DIAPH2: variants seen among roughly 807,000 people sequenced by gnomAD.
DIAPH2 encodes diaphanous related formin 2, also known as protein diaphanous homolog 2.
DIAPH2 carries 35 observed loss-of-function variants against 92.7 expected under a neutral mutation model. The observed-to-expected ratio is 0.38, with a 90% CI of 0.29 to 0.50. The LOEUF (loss-of-function observed/expected upper bound fraction) is 0.50, where lower values mean the gene tolerates loss of function less well. Among genes scored for constraint, DIAPH2 ranks in the 20% least tolerant of loss-of-function variants. DIAPH2 has a pLI of 0.94. For missense variants in DIAPH2, 701 were observed against 819.5 expected, an observed-to-expected ratio of 0.86 and a Z score of 1.77; for synonymous variants, 301 against 280.4, an observed-to-expected ratio of 1.07 and a Z score of -0.73.
chrX:96,794,178 A>G (rs991971922), intron 4 of DIAPH2, among the ~76,000 whole-genome samples: 1 of 111,231 alleles, frequency 9.0e-6, no homozygotes, highest in Non-Finnish European at 1.9e-5. Context: ...GGGTCTCATT[A>G]TGTGGCACTA....
chrX:97,543,848 G>A (rs1350000621), intron 26 of DIAPH2, among the ~76,000 whole-genome samples: 2 of 110,509 alleles, frequency 1.8e-5, no homozygotes, highest in East Asian at 2.8e-4. Flanking sequence ...TAGTGCTCCC[G>A]GTACAGCCTC....
chrX:96,782,164 G>T (rs2147626529), intron 4 of DIAPH2, among the ~76,000 whole-genome samples: 1 of 112,404 alleles, frequency 8.9e-6, no homozygotes, highest in South Asian at 3.7e-4. Flanking sequence ...CAATGGCACA[G>T]TCTTGGTCAC....
intron 4 of DIAPH2, among the ~76,000 whole-genome samples, chrX:96,762,915 G>A (rs1200941819): frequency 1.8e-5 from 2 of 110,796 alleles, no homozygotes; most frequent in African/African-American, 6.5e-5. Context: ...TTGAAACATA[G>A]TAGAAATTAA....
intron 24 of DIAPH2, among the ~76,000 whole-genome samples, chrX:97,380,121 T>C (rs750957426): frequency 1.2e-4 from 13 of 111,128 alleles, no homozygotes; most frequent in African/African-American, 3.6e-4. Flanking sequence ...ATTAGGTTGG[T>C]GAATATTTCG....
intron 21 of DIAPH2, among the ~76,000 whole-genome samples, chrX:97,120,488 A>G (rs1322055720): frequency 3.7e-5 from 4 of 109,247 alleles, no homozygotes; most frequent in African/African-American, 6.7e-5. Flanking sequence ...AAAATTCACA[A>G]CGCAAGCCTC....
chrX:96,685,629 C>T, intron 1 of DIAPH2, among the ~76,000 whole-genome samples: 1 of 112,416 alleles, frequency 8.9e-6, no homozygotes. Context: ...TGGGAGCCCA[C>T]CTACAGCTTC....
chrX:97,129,151 T>TTTTC (rs1303965655), intron 21 of DIAPH2, among the ~76,000 whole-genome samples: 112 of 85,222 alleles, frequency 1.3e-3, no homozygotes, highest in Non-Finnish European at 2.2e-3. Context: ...CTTTTCTTTC[T>TTTTC]TTTCTTTTCT....
chrX:96,757,532 C>T (rs930251064), intron 3 of DIAPH2, among the ~76,000 whole-genome samples: 3 of 112,258 alleles, frequency 2.7e-5, no homozygotes, highest in Non-Finnish European at 5.6e-5. Flanking sequence ...GTATATATCA[C>T]AAAATAAAGG....
intron 21 of DIAPH2, among the ~76,000 whole-genome samples, chrX:97,121,367 T>C (rs2067056594): frequency 8.9e-6 from 1 of 111,881 alleles, no homozygotes; most frequent in South Asian, 3.7e-4. Flanking sequence ...TTTCACCGTG[T>C]CTTTACTTGA....
At chrX:97,508,602 C>A (rs192837358) in intron 26 of DIAPH2, among the ~76,000 whole-genome samples, 1 of 111,862 alleles carries the variant, frequency 8.9e-6, no homozygotes, top group Non-Finnish European at 1.9e-5. Flanking sequence ...TTCTCCCCAC[C>A]ACCAGCCCAC....
At chrX:96,765,194 T>G in intron 4 of DIAPH2, among the ~76,000 whole-genome samples, 1 of 18,287 alleles carries the variant, frequency 5.5e-5, no homozygotes, top group African/African-American at 1.2e-4. Context: ...TATTCACATG[T>G]TTTTTTTTTT....
intron 9 of DIAPH2, among the ~76,000 whole-genome samples, chrX:96,922,841 G>C (rs2147787785): frequency 8.9e-6 from 1 of 111,868 alleles, no homozygotes; most frequent in Admixed American, 9.5e-5. Flanking sequence ...TCTTGCATAA[G>C]TCTGGGAAGG....
chrX:97,486,543 T>C (rs1311840203), intron 26 of DIAPH2, among the ~76,000 whole-genome samples: 5 of 111,789 alleles, frequency 4.5e-5, no homozygotes, highest in African/African-American at 6.5e-5. Context: ...CATTTCCTGG[T>C]GTGCTACCTG....
At chrX:97,408,104 T>A (rs1468222520) in intron 25 of DIAPH2, among the ~76,000 whole-genome samples, 2 of 111,990 alleles carry the variant, frequency 1.8e-5, no homozygotes, top group African/African-American at 6.5e-5. Context: ...TGATCAACTC[T>A]CATGTAATTC....
At chrX:97,189,425 A>G (rs960795975) in intron 22 of DIAPH2, among the ~76,000 whole-genome samples, 1 of 105,738 alleles carries the variant, frequency 9.5e-6, no homozygotes, top group Admixed American at 1.0e-4. Flanking sequence ...TCTCAGAATC[A>G]GTCGTCCCCC....
chrX:96,900,539 G>T (rs1391584881), intron 5 of DIAPH2, among the ~76,000 whole-genome samples: 1 of 111,264 alleles, frequency 9.0e-6, no homozygotes, highest in Non-Finnish European at 1.9e-5. Flanking sequence ...AGGCATCCTT[G>T]TCTTGTTGCT....
chrX:97,259,463 A>G (rs769527256), intron 23 of DIAPH2, among the ~76,000 whole-genome samples: 2 of 112,459 alleles, frequency 1.8e-5, no homozygotes, highest in Admixed American at 1.9e-4. Flanking sequence ...GAGTTTGAAC[A>G]GTATTTGGTG....
At chrX:97,387,717 T>A (rs986697877) in intron 25 of DIAPH2, among the ~76,000 whole-genome samples, 1 of 111,959 alleles carries the variant, frequency 8.9e-6, no homozygotes, top group Non-Finnish European at 1.9e-5. Context: ...CCCAGCCAAG[T>A]TGACATATAA....
chrX:96,914,089 C>T lies in DIAPH2; in HGVS notation c.732+1537C>T, dbSNP rs188386995. 2.7e-5 allele frequency among the ~76,000 whole-genome samples: 3 copies of T among 110,540 alleles called. No homozygotes were observed. The Admixed American group carries it at 2.9e-4, about 11-fold the overall frequency. On this transcript the variant is annotated intron_variant, in intron 7 of 26. Transcript: ENST00000324765. Reference sequence around the variant, plus strand: ...ATAAGATTATATATTAATCTATAGACAGTCTCAAGCATATGGAAATACATA... The same window carrying T: ...ATAAGATTATATATTAATCTATAGATAGTCTCAAGCATATGGAAATACATA...
Sources: allele counts gnomAD v4.1 joint callset (sites outside exome capture counted in the v4.1 genomes callset), GRCh38; gene constraint gnomAD v4.1.1; transcripts MANE v1.5; gene names NCBI Gene and HGNC (gene_info 2026-07-23, HGNC 2026-07-21).